Variants in RFTN1 observed in about 807,000 individuals in gnomAD.
The protein encoded by RFTN1 is raftlin, lipid raft linker 1.
Under a neutral mutation model 46.5 loss-of-function variants are expected in RFTN1, and 26 were observed. That is an observed-to-expected ratio of 0.56 (90% CI 0.41 to 0.78). RFTN1 has a LOEUF of 0.78. Among genes scored for constraint, RFTN1 ranks in the 30% least tolerant of loss-of-function variants. RFTN1 has a pLI of 0.00. For synonymous variants in RFTN1, 261 were observed against 284.2 expected (o/e 0.92, Z 0.82); for missense variants, 693 against 718.7 (o/e 0.96, Z 0.41).
intron 2 of RFTN1, chr3:16,454,633 C>A (rs2075874600): frequency 2.7e-6 from 1 of 367,818 alleles, no homozygotes. Flanking sequence ...ACATAAGACA[C>A]AAATCTCTCC....
chr3:16,403,658 TATTTTATG>T (rs1559326433), intron 4 of RFTN1, among the ~76,000 whole-genome samples: 29 of 35,568 alleles, frequency 8.2e-4, no homozygotes, highest in Admixed American at 1.3e-3. Flanking sequence ...ATATAATATA[TATTTTATG>T]TATATAATAT....
At chr3:16,395,095 T>C (rs2074436307) in intron 4 of RFTN1, among the ~76,000 whole-genome samples, 1 of 152,262 alleles carries the variant, frequency 6.6e-6, no homozygotes. Flanking sequence ...ATTTATATAA[T>C]TTAAAATATG....
At chr3:16,463,048 C>G (rs1226708854) in intron 2 of RFTN1, among the ~76,000 whole-genome samples, 2 of 152,250 alleles carry the variant, frequency 1.3e-5, no homozygotes, top group Non-Finnish European at 2.9e-5. Flanking sequence ...TAATGGTTCT[C>G]ACCCACTAGA....
chr3:16,367,585 C>T (rs796327625), intron 6 of RFTN1, among the ~76,000 whole-genome samples: 4 of 146,092 alleles, frequency 2.7e-5, no homozygotes, highest in South Asian at 2.3e-4. Context: ...TTCACGGTTG[C>T]GCTTGCCAGG....
chr3:16,368,129 G>T (rs1160636304), intron 6 of RFTN1, among the ~76,000 whole-genome samples: 1 of 150,366 alleles, frequency 6.7e-6, no homozygotes, highest in East Asian at 2.0e-4. Flanking sequence ...GTCCCTGCAG[G>T]AAACAGGGAG....
At chr3:16,476,679 AAC>A (rs1186317265) in intron 2 of RFTN1, among the ~76,000 whole-genome samples, 4 of 152,188 alleles carry the variant, frequency 2.6e-5, no homozygotes, top group Non-Finnish European at 5.9e-5. Flanking sequence ...ATCAGAGAGA[AAC>A]ACCCTGGGTC....
intron 3 of RFTN1, among the ~76,000 whole-genome samples, chr3:16,412,071 T>C (rs1273936869): frequency 1.3e-5 from 2 of 152,124 alleles, no homozygotes; most frequent in African/African-American, 2.4e-5. Flanking sequence ...AATAATTAAC[T>C]CAGTTACATC....
At chr3:16,495,053 G>A (rs1185435951) in intron 1 of RFTN1, among the ~76,000 whole-genome samples, 3 of 152,044 alleles carry the variant, frequency 2.0e-5, no homozygotes, top group Non-Finnish European at 4.4e-5. Context: ...ACGGTGTAGC[G>A]ACAACCAGGC....
At chr3:16,453,671 C>CGTATGTAACGTA (rs1365403677) in intron 2 of RFTN1, among the ~76,000 whole-genome samples, 1 of 152,074 alleles carries the variant, frequency 6.6e-6, no homozygotes, top group African/African-American at 2.4e-5. Flanking sequence ...AAAGCATGAA[C>CGTATGTAACGTA]GTATGTAACG....
rs202103767 is a variant in RFTN1 at position 16,358,094 on chromosome 3, C to T, written c.1031-47G>A. ...GGGGTGGGGGGGGTCTGTAAACCGT[C>T]TGTGGCAGAAGTCTTCTAAGCAGCA... On this transcript the variant is annotated intron_variant, in intron 6 of 9. Transcript: ENST00000334133. 3 of 1,049,016 alleles carry T rather than the reference C, an allele frequency of 2.9e-6. No homozygotes were observed. In the Admixed American group the frequency reaches 5.1e-5, roughly 18 times the overall value. The allele number at this position is 1,049,016 out of a possible 1,614,324, so 65.0% of individuals were successfully genotyped here.
chr3:16,404,337 T>A (rs1205417586), intron 4 of RFTN1, among the ~76,000 whole-genome samples: 1 of 33,552 alleles, frequency 3.0e-5, no homozygotes, highest in African/African-American at 1.2e-4. Flanking sequence ...TAATATATAA[T>A]ATATATAATA....
In RFTN1 at chr3:16,320,302, TAGAAA is replaced by T. The variant is rs2068898127; in HGVS notation, c.1332+3069_1333-3071del. On this transcript the variant is annotated intron_variant, in intron 9 of 9. Transcript: ENST00000334133. The surrounding 1 kb of genome is among the most constrained non-coding windows in gnomAD (Gnocchi z 4.5). The stretch of plus-strand genomic sequence containing the variant: ...CTTTCCAATGCTGAAAAGTCCTGAT[TAGAAA>T]AATCTATCCATGTTGCTGATTAAAA... Among the ~76,000 whole-genome samples, 1 of 152,224 alleles carries T rather than the reference TAGAAA, an allele frequency of 6.6e-6. No individual in the cohort carries two copies. Among genetic ancestry groups the T allele is most frequent in the Admixed American group, 6.5e-5 (1 of 15,292 alleles).
Position 16,402,588 on chromosome 3 carries a change from G to T in RFTN1, c.441+6787C>A, listed in dbSNP as rs1405478754. ...AAATTAGACTCTCTGCACCGCACTT[G>T]TAGAAATGAAACTCTGAATACTCAA... On this transcript the variant is annotated intron_variant, in intron 4 of 9. Coordinates refer to ENST00000334133, the MANE Select transcript of RFTN1 (RefSeq NM_015150.2). This position sits in a 1 kb window ranked among gnomAD's most constrained non-coding sequence, Gnocchi z 4.5. 6.6e-6 allele frequency among the ~76,000 whole-genome samples: 1 copy of T among 152,144 alleles called. No homozygotes were observed. Among genetic ancestry groups the T allele is most frequent in the Non-Finnish European group, 1.5e-5 (1 of 68,032 alleles).
At chr3:16,404,373 T>C (rs1445466646) in intron 4 of RFTN1, among the ~76,000 whole-genome samples, 1 of 19,978 alleles carries the variant, frequency 5.0e-5, no homozygotes, top group African/African-American at 3.9e-4. Flanking sequence ...CAATATATAA[T>C]ATATATAATA....
intron 2 of RFTN1, among the ~76,000 whole-genome samples, chr3:16,445,412 CT>C (rs927495537): frequency 6.6e-6 from 1 of 151,944 alleles, no homozygotes; most frequent in African/African-American, 2.4e-5. Flanking sequence ...TGCTCTTTCT[CT>C]TTCCCCCCAC....
intron 7 of RFTN1, among the ~76,000 whole-genome samples, chr3:16,328,061 G>C (rs1559817445): frequency 6.6e-6 from 1 of 152,142 alleles, no homozygotes; most frequent in African/African-American, 2.4e-5. Context: ...AGGTACTCTA[G>C]AGCCATGATG....
Position 16,342,621 on chromosome 3 carries a change from TA to T in RFTN1, c.1146+15310del, listed in dbSNP as rs1445767449. ...TGTCCATGGATCACTTTTATAAAAA[TA>T]AAAAAAGTTATAAGAATGAAAGCAG... On this transcript the variant is annotated intron_variant, in intron 7 of 9. Transcript: ENST00000334133. The surrounding 1 kb of genome is among the most constrained non-coding windows in gnomAD (Gnocchi z 4.0). 2.6e-5 allele frequency among the ~76,000 whole-genome samples: 4 copies of T among 151,938 alleles called. No homozygotes were observed. Among genetic ancestry groups the T allele is most frequent in the African/African-American group, 7.3e-5 (3 of 41,222 alleles).
At position 16,382,504 on chromosome 3, in the gene RFTN1, T is replaced by TCC. The variant is rs1196683796; in HGVS notation, c.442-4404_442-4403dup. Among the ~76,000 whole-genome samples, 1 of 152,046 alleles carries TCC rather than the reference T, an allele frequency of 6.6e-6. No individual in the cohort carries two copies. Among genetic ancestry groups the TCC allele is most frequent in the Non-Finnish European group, 1.5e-5 (1 of 67,994 alleles). On this transcript the variant is annotated intron_variant, in intron 4 of 9. Transcript: ENST00000334133. The surrounding 1 kb of genome is among the most constrained non-coding windows in gnomAD (Gnocchi z 4.7). The stretch of plus-strand genomic sequence containing the variant: ...AGGGTTCATCCCCGGCTGCCAGCTC[T>TCC]CCTCCACTCTACACTCCCCTTGGTG...
intron 4 of RFTN1, among the ~76,000 whole-genome samples, chr3:16,397,069 G>GAAAAA (rs11290510): frequency 2.6e-5 from 3 of 117,124 alleles, no homozygotes; most frequent in South Asian, 2.7e-4. Flanking sequence ...GTCTCAAAAT[G>GAAAAA]AAAAAAAAAA....
Sources: gnomAD v4.1 joint callset for allele counts (sites outside exome capture counted in the v4.1 genomes callset) on GRCh38, gnomAD v4.1.1 for gene constraint, Gnocchi (gnomAD v3.1) non-coding constraint, MANE v1.5 for transcripts, NCBI Gene and HGNC (gene_info 2026-07-23, HGNC 2026-07-21) for gene names.